KIF13A: variants seen among roughly 807,000 people sequenced by gnomAD.
KIF13A encodes kinesin-like protein KIF13A.
In KIF13A, 79 loss-of-function variants were observed where a neutral mutation model predicts 212.2. The ratio of observed to expected loss-of-function variants is 0.37; its 90% CI spans 0.31 to 0.45. KIF13A has a LOEUF of 0.45. Ranked by LOEUF, KIF13A falls within the 20% of genes least tolerant of loss-of-function variation. KIF13A has a pLI of 1.00. For synonymous variants in KIF13A, 789 were observed against 808.6 expected (o/e 0.98, Z 0.41); for missense variants, 1,901 against 2,209.0 (o/e 0.86, Z 2.79).
chr6:17,785,412 T>C lies in KIF13A; in HGVS notation c.3488+103A>G, dbSNP rs1760966370. 4.6e-6 allele frequency: 6 copies of C among 1,294,036 alleles called. No individual in the cohort carries two copies. The highest frequency in any genetic ancestry group is 3.2e-5 in the Admixed American group (1 of 30,868). The allele number at this position is 1,294,036 out of a possible 1,614,324, so 80.2% of individuals were successfully genotyped here. ...GACATTCCCTAAGTAGTTCAGCTGG[T>C]TGGCATTTTCTGTGACAATCCTGGA... On this transcript the variant is annotated intron_variant, in intron 28 of 38. Transcript: ENST00000259711. This position sits in a 1 kb window ranked among gnomAD's most constrained non-coding sequence, Gnocchi z 5.8.
intron 4 of KIF13A, among the ~76,000 whole-genome samples, chr6:17,867,356 G>T (rs1038083559): frequency 3.3e-5 from 5 of 152,126 alleles, no homozygotes; most frequent in African/African-American, 4.8e-5. Context: ...TTTCATAAAT[G>T]TTTTTTAAAA....
At position 17,838,093 on chromosome 6, in the gene KIF13A, G is replaced by T. The variant is rs974430084; in HGVS notation, c.831-510C>A. Among the ~76,000 whole-genome samples the T allele has an allele frequency of 6.6e-6, 1 of 152,154 alleles. No homozygotes were observed. The highest frequency in any genetic ancestry group is 1.9e-4 in the East Asian group (1 of 5,184). On this transcript the variant is annotated intron_variant, in intron 9 of 38. Transcript: ENST00000259711. The surrounding 1 kb of genome is among the most constrained non-coding windows in gnomAD (Gnocchi z 4.2). ...GCACTTTGGGAGGCTGAGGCAGGTG[G>T]ATCATGAGGTCAGGGGTCAGGAGAT...
downstream of KIF13A, chr6:17,759,946 C>G (rs988379650): frequency 2.6e-5 from 4 of 151,752 alleles, no homozygotes; most frequent in African/African-American, 9.7e-5. Context: ...ACCTGCCCAG[C>G]TGGGCTGAGC....
At chr6:17,923,580 C>T (rs866210778) in intron 2 of KIF13A, among the ~76,000 whole-genome samples, 50 of 150,430 alleles carry the variant, frequency 3.3e-4, no homozygotes, top group African/African-American at 1.0e-3. Context: ...TTCATGTTTG[C>T]GGAAAGATAA....
chr6:17,977,114 CAAAAAAAAAAA>C (rs398000718), intron 2 of KIF13A, among the ~76,000 whole-genome samples: 1 of 106,698 alleles, frequency 9.4e-6, no homozygotes, highest in African/African-American at 3.3e-5. Context: ...AAAACAACAA[CAAAAAAAAAAA>C]AAAAAAAAAA....
chr6:17,798,817 C>T (rs971970400), intron 22 of KIF13A, among the ~76,000 whole-genome samples: 3 of 152,074 alleles, frequency 2.0e-5, no homozygotes, highest in Non-Finnish European at 4.4e-5. Context: ...TCATATGATA[C>T]ATTAGAATGT....
rs936599988 is a variant in KIF13A, at chr6:17,915,118, T to C, written c.147-16938A>G. On this transcript the variant is annotated intron_variant, in intron 2 of 38. Coordinates refer to ENST00000259711, the MANE Select transcript of KIF13A (RefSeq NM_022113.6). The surrounding 1 kb of genome is among the most constrained non-coding windows in gnomAD (Gnocchi z 4.4). ...AGCATAAGAGATAATATATTTGACT[T>C]TTCTACATTAGGGAGTCAGAACCAA... Among the ~76,000 whole-genome samples the C allele has an allele frequency of 6.6e-5, 10 of 152,216 alleles. No individual in the cohort carries two copies. Among genetic ancestry groups the C allele is most frequent in the Admixed American group, 5.9e-4 (9 of 15,282 alleles).
intron 9 of KIF13A, among the ~76,000 whole-genome samples, chr6:17,848,967 G>A: frequency 6.6e-6 from 1 of 152,096 alleles, no homozygotes; most frequent in East Asian, 1.9e-4. Context: ...GCCCAAGCTG[G>A]AGTGTAGTGG....
At chr6:17,976,262 G>A (rs1400099152) in intron 2 of KIF13A, among the ~76,000 whole-genome samples, 1 of 152,226 alleles carries the variant, frequency 6.6e-6, no homozygotes, top group Non-Finnish European at 1.5e-5. Flanking sequence ...GGAGGCTCGG[G>A]CTGCACAGGA....
At chr6:17,779,742 ATTT>A (rs377678460) in intron 31 of KIF13A, 58 bp from the exon 32 acceptor site, 503 of 460,464 alleles carry the variant, frequency 1.1e-3, no homozygotes, top group Admixed American at 1.4e-3. Flanking sequence ...GTTATTTTGT[ATTT>A]TTTTTTTTTT....
intron 4 of KIF13A, among the ~76,000 whole-genome samples, chr6:17,863,347 T>C (rs1769019274): frequency 1.3e-5 from 2 of 151,876 alleles, no homozygotes; most frequent in South Asian, 4.2e-4. Context: ...CTAATCCATA[T>C]TGTCTATTAT....
At chr6:17,866,339 G>A (rs1769369723) in intron 4 of KIF13A, among the ~76,000 whole-genome samples, 1 of 152,112 alleles carries the variant, frequency 6.6e-6, no homozygotes, top group East Asian at 1.9e-4. Context: ...TCCTGGCTAG[G>A]TTCTAAGCCA....
Position 17,822,043 on chromosome 6 carries a change from C to CTTTTTTT in KIF13A, c.1786+3718_1786+3724dup, listed in dbSNP as rs565299308. ...GATGGGGTAGGGGGAAACATAACTT[C>CTTTTTTT]TTTTTTTTTTTTTTGTGATGAAGTC... is the stretch of plus-strand genomic sequence containing the variant. On this transcript the variant is annotated intron_variant, in intron 16 of 38. Transcript: ENST00000259711. 1.1e-3 allele frequency: 664 copies of CTTTTTTT among 585,564 alleles called. 1 individual carries two copies. The highest frequency in any genetic ancestry group is 2.3e-3 in the South Asian group (97 of 42,858). 36.3% of individuals were successfully genotyped at this position (585,564 alleles called of 1,614,324 possible).
intron 6 of KIF13A, among the ~76,000 whole-genome samples, chr6:17,852,900 T>G (rs1767795984): frequency 6.6e-6 from 1 of 152,236 alleles, no homozygotes; most frequent in African/African-American, 2.4e-5. Context: ...AATGAAAATT[T>G]TAAAGCTCTT....
chr6:17,862,943 G>A (rs746344121), intron 4 of KIF13A, among the ~76,000 whole-genome samples: 13 of 151,870 alleles, frequency 8.6e-5, no homozygotes, highest in African/African-American at 1.9e-4. Flanking sequence ...GCGAGACTGC[G>A]TCTCAAAAAC....
chr6:17,953,693 G>C (rs1054821680), intron 2 of KIF13A: 6 of 178,282 alleles, frequency 3.4e-5, no homozygotes, highest in Non-Finnish European at 7.5e-5. Flanking sequence ...CCATCTTTGT[G>C]TGTTTGCACC....
In KIF13A at chr6:17,888,150, T is replaced by G. The variant is rs1771721094; in HGVS notation, c.159+10018A>C. ...AGTACTGAAGTAGTGAATGATGATG[T>G]TACCATAATCTATTTTCCACTACTT... On this transcript the variant is annotated intron_variant, in intron 3 of 38. Coordinates refer to ENST00000259711, the MANE Select transcript of KIF13A (RefSeq NM_022113.6). This position sits in a 1 kb window ranked among gnomAD's most constrained non-coding sequence, Gnocchi z 4.8. 6.6e-6 allele frequency among the ~76,000 whole-genome samples: 1 copy of G among 152,224 alleles called. No individual in the cohort carries two copies. The highest frequency in any genetic ancestry group is 1.5e-5 in the Non-Finnish European group (1 of 68,030).
At chr6:17,830,415 C>G (rs549207574) in intron 13 of KIF13A, among the ~76,000 whole-genome samples, 1 of 152,086 alleles carries the variant, frequency 6.6e-6, no homozygotes, top group Non-Finnish European at 1.5e-5. Flanking sequence ...ACAGTAAACA[C>G]GGATATAACC....
At chr6:17,902,244 A>C (rs745596325) in intron 2 of KIF13A, among the ~76,000 whole-genome samples, 4 of 152,186 alleles carry the variant, frequency 2.6e-5, no homozygotes, top group Non-Finnish European at 5.9e-5. Flanking sequence ...AGGTGTGTTT[A>C]TTTCTGACCA....
Sources: allele counts gnomAD v4.1 joint callset (sites outside exome capture counted in the v4.1 genomes callset), GRCh38; gene constraint gnomAD v4.1.1; non-coding constraint Gnocchi (gnomAD v3.1); transcripts MANE v1.5; gene names NCBI Gene and HGNC (gene_info 2026-07-23, HGNC 2026-07-21).